DCAF4: variants seen among roughly 807,000 people sequenced by gnomAD.
DCAF4 encodes DDB1 and CUL4 associated factor 4, also known as DDB1- and CUL4-associated factor 4.
A neutral mutation model predicts 60.9 loss-of-function variants in DCAF4; 37 were observed. The observed-to-expected ratio is 0.61, with a 90% CI of 0.47 to 0.80. The LOEUF is 0.80. Ranked by LOEUF, DCAF4 falls within the 30% of genes least tolerant of loss-of-function variation. The pLI is 0.00. For synonymous variants in DCAF4, 243 were observed against 254.8 expected, an observed-to-expected ratio of 0.95 and a Z score of 0.44; for missense variants, 577 against 650.0, an observed-to-expected ratio of 0.89 and a Z score of 1.22.
Position 72,958,649 on chromosome 14 carries a change from CGATGCCCGCCTACTG to C in DCAF4, c.1333_1347del (p.Asp445_Leu449del), listed in dbSNP as rs1180219024. The C allele has an allele frequency of 6.2e-7, 1 of 1,614,204 alleles. No homozygotes were observed. The highest frequency in any genetic ancestry group is 8.5e-7 in the Non-Finnish European group (1 of 1,180,026). ...GCTACACGAGAATCTGGAGCCTCCA[CGATGCCCGCCTACTG>C]AGAACCATACCCTCCCCGTACCCTG... is the stretch of plus-strand genomic sequence containing the variant. On this transcript the variant is annotated inframe_deletion, in exon 14 of 14. Coordinates refer to ENST00000358377, the MANE Select transcript of DCAF4 (RefSeq NM_015604.4).
intron 1 of DCAF4, chr14:72,929,805 T>C (rs1888285079): frequency 8.7e-7 from 1 of 1,145,900 alleles, no homozygotes; most frequent in Non-Finnish European, 1.3e-6. Context: ...CCGGATCATG[T>C]CCCGCTACAA....
chr14:72,940,589 T>A, intron 4 of DCAF4: 1 of 273,322 alleles, frequency 3.7e-6, no homozygotes, highest in South Asian at 5.1e-5. Context: ...GTTCGATAAG[T>A]TGTTTTTTTT....
At chr14:72,931,617 A>C (rs903287752) in intron 1 of DCAF4, among the ~76,000 whole-genome samples, 5 of 152,230 alleles carry the variant, frequency 3.3e-5, no homozygotes, top group Non-Finnish European at 5.9e-5. Flanking sequence ...CCATAGAGGG[A>C]AAACTTTGTC....
At chr14:72,939,396 C>G (rs1889720149) in intron 2 of DCAF4, among the ~76,000 whole-genome samples, 1 of 152,168 alleles carries the variant, frequency 6.6e-6, no homozygotes, top group Admixed American at 6.5e-5. Context: ...AATTTAAACT[C>G]TTTGTGCTAC....
chr14:72,956,658 T>C (rs1173158007), intron 13 of DCAF4, 158 bp downstream of exon 13: 1 of 631,268 alleles, frequency 1.6e-6, no homozygotes, highest in Non-Finnish European at 2.8e-6. Context: ...GGAAGTAGAA[T>C]TAGATTATAT....
downstream of DCAF4, among the ~76,000 whole-genome samples, chr14:72,959,997 G>A (rs1892741112): frequency 1.3e-5 from 2 of 152,078 alleles, no homozygotes; most frequent in Admixed American, 6.6e-5. Flanking sequence ...AGAGAGAGCC[G>A]GGTTCCAGCA....
chr14:72,956,226 A>G (rs1399297428), intron 12 of DCAF4, among the ~76,000 whole-genome samples, 160 bp from the exon 13 acceptor site: 8 of 151,906 alleles, frequency 5.3e-5, no homozygotes, highest in African/African-American at 1.4e-4. Flanking sequence ...CGGCCTGGTT[A>G]CATGCTTTTG....
chr14:72,952,103 G>A (rs977381906), intron 9 of DCAF4, among the ~76,000 whole-genome samples: 4 of 152,124 alleles, frequency 2.6e-5, no homozygotes, highest in African/African-American at 7.2e-5. Context: ...GACTTAACAC[G>A]CATGTAAACC....
downstream of DCAF4, among the ~76,000 whole-genome samples, chr14:72,960,217 C>T (rs1454379570): frequency 1.3e-5 from 2 of 149,444 alleles, no homozygotes; most frequent in African/African-American, 4.9e-5. Flanking sequence ...AGTGCAATGG[C>T]GCTCTCACCG....
rs1264905122 is a variant in DCAF4, at chr14:72,926,502, G to A, written c.-50G>A. 6.6e-6 allele frequency: 1 copy of A among 152,448 alleles called. No individual in the cohort carries two copies. The highest frequency in any genetic ancestry group is 2.4e-5 in the African/African-American group (1 of 41,468). The allele number at this position is 152,448 out of a possible 1,614,324, so 9.4% of individuals were successfully genotyped here. A position where few individuals can be genotyped will look rare whatever the true frequency, so the allele number is the denominator to read the frequency against. On this transcript the variant is annotated 5_prime_UTR_variant, in exon 1 of 14. Transcript: ENST00000358377. Reference sequence around the variant, plus strand: ...TGCACGCTTCGCTCCAACTCCTGCAGAGCTGAGCCGGAGGGGAATCCGGAA... The same window carrying A: ...TGCACGCTTCGCTCCAACTCCTGCAAAGCTGAGCCGGAGGGGAATCCGGAA...
At chr14:72,948,109 G>A (rs1262089954) in intron 8 of DCAF4, among the ~76,000 whole-genome samples, 16 of 152,154 alleles carry the variant, frequency 1.1e-4, no homozygotes, top group Admixed American at 5.2e-4. Context: ...ATTGGTCCTC[G>A]ACAAATGATA....
downstream of DCAF4, among the ~76,000 whole-genome samples, chr14:72,961,313 C>T (rs1667395873): frequency 6.6e-6 from 1 of 152,176 alleles, no homozygotes; most frequent in African/African-American, 2.4e-5. Flanking sequence ...CCCCTGTTCC[C>T]CTCACTGCTG....
intron 1 of DCAF4, among the ~76,000 whole-genome samples, chr14:72,930,646 T>TAC (rs1888449288): frequency 6.6e-6 from 1 of 151,956 alleles, no homozygotes; most frequent in South Asian, 2.1e-4. Flanking sequence ...TGTGTGTATA[T>TAC]ATATATATGT....
chr14:72,929,895 G>C, intron 1 of DCAF4: 1 of 1,468,848 alleles, frequency 6.8e-7, no homozygotes, highest in South Asian at 1.2e-5. Context: ...TGTGGCCCTT[G>C]TTGAGGCCCA....
At chr14:72,929,115 C>T (rs947353132) in intron 1 of DCAF4, among the ~76,000 whole-genome samples, 1 of 151,916 alleles carries the variant, frequency 6.6e-6, no homozygotes, top group African/African-American at 2.4e-5. Context: ...TAGCGCACCC[C>T]GCCCCCCACC....
At chr14:72,958,572 T>C (rs1440663627) in intron 13 of DCAF4, 40 bp from the exon 14 acceptor site, 1 of 1,611,942 alleles carries the variant, frequency 6.2e-7, no homozygotes, top group Admixed American at 1.7e-5. Context: ...TTCCTTTGCA[T>C]TCTCTCACTA....
downstream of DCAF4, among the ~76,000 whole-genome samples, chr14:72,961,490 A>AT (rs1892818971): frequency 6.6e-6 from 1 of 151,902 alleles, no homozygotes; most frequent in Admixed American, 6.6e-5. Context: ...GATCTCATCC[A>AT]TTTTTTCCAC....
chr14:72,939,472 G>A (rs1178431694), intron 2 of DCAF4, among the ~76,000 whole-genome samples: 2 of 152,184 alleles, frequency 1.3e-5, no homozygotes, highest in African/African-American at 4.8e-5. Context: ...AATGAGCCCA[G>A]CTGGTAAAAT....
chr14:72,938,524 T>A (rs61988545), intron 2 of DCAF4, among the ~76,000 whole-genome samples: 7,242 of 152,296 alleles, frequency 0.048, 233 homozygotes, highest in Non-Finnish European at 0.075. Flanking sequence ...CTGAGGAATA[T>A]GTTGTTAGGC....
Sources: allele counts gnomAD v4.1 joint callset (sites outside exome capture counted in the v4.1 genomes callset), GRCh38; gene constraint gnomAD v4.1.1; transcripts MANE v1.5; gene names NCBI Gene and HGNC (gene_info 2026-07-23, HGNC 2026-07-21).